The following TMEM201 variants were observed in gnomAD, a reference collection of about 807,000 sequenced individuals.
TMEM201 encodes RP13-15M17.2.
A neutral mutation model predicts 63.4 loss-of-function variants in TMEM201; 26 were observed. The ratio of observed to expected loss-of-function variants is 0.41; its 90% CI spans 0.30 to 0.57. The LOEUF is 0.57. Among genes scored for constraint, TMEM201 ranks in the 20% least tolerant of loss-of-function variants. The pLI is 0.29. For synonymous variants in TMEM201, 417 were observed against 421.6 expected (o/e 0.99, Z 0.14); for missense variants, 794 against 917.7 (o/e 0.87, Z 1.74).
chr1:9,598,398 G>C, intron 3 of TMEM201, 51 bp from the exon 4 acceptor site: 1 of 1,578,418 alleles, frequency 6.3e-7, no homozygotes, highest in Non-Finnish European at 8.7e-7. Context: ...GTAAGATGGA[G>C]GCAGCTCATC....
At chr1:9,594,907 G>T (rs1379237477) in intron 1 of TMEM201, among the ~76,000 whole-genome samples, 1 of 152,254 alleles carries the variant, frequency 6.6e-6, no homozygotes, top group African/African-American at 2.4e-5. Flanking sequence ...AAGGCCAGAG[G>T]GCCGTGCTCT....
At chr1:9,590,346 A>G (rs1643899630) in intron 1 of TMEM201, among the ~76,000 whole-genome samples, 1 of 152,216 alleles carries the variant, frequency 6.6e-6, no homozygotes, top group East Asian at 1.9e-4. Context: ...GAGCTGGTCC[A>G]GCACCCGGTG....
chr1:9,604,303 G>T lies in TMEM201; in HGVS notation c.1160+2031G>T. ...CTGGCCAGGATCCTCCTGCCGAGCT[G>T]ATGTCGCTCCTGCCCTCTGCCGGGG... On this transcript the variant is annotated intron_variant, in intron 6 of 10. Coordinates refer to ENST00000340381, the MANE Select transcript of TMEM201 (RefSeq NM_001130924.3). This position sits in a 1 kb window ranked among gnomAD's most constrained non-coding sequence, Gnocchi z 4.1. 1 of 985,450 alleles carries T rather than the reference G, an allele frequency of 1.0e-6. No homozygotes were observed. Among genetic ancestry groups the T allele is most frequent in the Non-Finnish European group, 1.2e-6 (1 of 829,932 alleles). 61.0% of individuals were successfully genotyped at this position (985,450 alleles called of 1,614,324 possible). A position where few individuals can be genotyped will look rare whatever the true frequency, so the allele number is the denominator to read the frequency against.
Position 9,604,462 on chromosome 1 carries a change from A to G in TMEM201, c.1160+2190A>G, listed in dbSNP as rs1410313077. ...CTACGTGGAGAAAATTCCAGCACCA[A>G]GTGTTGTGGCAACAGCTGAGAGAGT... is the stretch of plus-strand genomic sequence containing the variant. On this transcript the variant is annotated intron_variant, in intron 6 of 10. Transcript: ENST00000340381. The surrounding 1 kb of genome is among the most constrained non-coding windows in gnomAD (Gnocchi z 4.1). 9 of 985,256 alleles carry G rather than the reference A, an allele frequency of 9.1e-6. No individual in the cohort carries two copies. The highest frequency in any genetic ancestry group is 9.6e-6 in the Non-Finnish European group (8 of 829,912). The allele number at this position is 985,256 out of a possible 1,614,324, so 61.0% of individuals were successfully genotyped here.
Position 9,610,371 on chromosome 1 carries a change from TCC to T in TMEM201, c.1466-131_1466-130del, listed in dbSNP as rs1355304403. 2 of 924,032 alleles carry T rather than the reference TCC, an allele frequency of 2.2e-6. No homozygotes were observed. Among genetic ancestry groups the T allele is most frequent in the Non-Finnish European group, 3.2e-6 (2 of 634,012 alleles). 57.2% of individuals were successfully genotyped at this position (924,032 alleles called of 1,614,324 possible). ...CCTCCTTCAGCTTTGCAGCAGGACT[TCC>T]CCCTGTCCCCAGTCTCTGCACCTTT... On this transcript the variant is annotated intron_variant, in intron 8 of 10. Transcript: ENST00000340381. The surrounding 1 kb of genome is among the most constrained non-coding windows in gnomAD (Gnocchi z 4.9).
rs1236967549 is a variant in TMEM201, at chr1:9,608,200, T to C, written c.1393+411T>C. Among the ~76,000 whole-genome samples the C allele has an allele frequency of 6.6e-6, 1 of 152,162 alleles. No homozygotes were observed. Among genetic ancestry groups the C allele is most frequent in the African/African-American group, 2.4e-5 (1 of 41,444 alleles). On this transcript the variant is annotated intron_variant, in intron 7 of 10. Transcript: ENST00000340381. The surrounding 1 kb of genome is among the most constrained non-coding windows in gnomAD (Gnocchi z 4.3). ...CTGCAGTGAGCTATGATCACGCCACTGCATTCCACCATGGGCAACAGAGCA... is the reference window on the plus strand; with the variant it reads ...CTGCAGTGAGCTATGATCACGCCACCGCATTCCACCATGGGCAACAGAGCA...
intron 6 of TMEM201, among the ~76,000 whole-genome samples, chr1:9,606,966 G>A (rs1191670599): frequency 6.6e-6 from 1 of 152,200 alleles, no homozygotes. Context: ...AGTTTCCAGA[G>A]TGCAAGGCCA....
Position 9,609,398 on chromosome 1 carries a change from C to G in TMEM201, c.1394-442C>G, listed in dbSNP as rs144974298. 3.9e-5 allele frequency among the ~76,000 whole-genome samples: 6 copies of G among 152,260 alleles called. 1 individual carries two copies. In the South Asian group the frequency reaches 1.2e-3, roughly 32 times the overall value. ...CAGCGTGGTTGGTGATCCCTGGGAT[C>G]GAGAGAACAGGCAGTTGGGGTCTGC... On this transcript the variant is annotated intron_variant, in intron 7 of 10. Coordinates refer to ENST00000340381, the MANE Select transcript of TMEM201 (RefSeq NM_001130924.3).
Position 9,596,912 on chromosome 1 carries a change from CGTG to C in TMEM201, c.292_294del (p.Val98del), listed in dbSNP as rs927519786. ...CCCAGTACTTGGAGCACCTGAACCA[CGTG>C]GTGAGCAGCGCGCCCAGCCTGCGCG... On this transcript the variant is annotated inframe_deletion, in exon 3 of 11. Coordinates refer to ENST00000340381, the MANE Select transcript of TMEM201 (RefSeq NM_001130924.3). The C allele has an allele frequency of 6.2e-7, 1 of 1,611,468 alleles. No homozygotes were observed. The highest frequency in any genetic ancestry group is 1.3e-5 in the African/African-American group (1 of 74,924).
At chr1:9,612,860 C>G in intron 10 of TMEM201, 126 bp from the exon 11 acceptor site, 3 of 760,142 alleles carry the variant, frequency 3.9e-6, no homozygotes, top group Non-Finnish European at 6.5e-6. Flanking sequence ...TGAGCCTCAC[C>G]AGTCTCAGAG....
rs1300857113 is a variant in TMEM201 at position 9,611,864 on chromosome 1, G to A, written c.1877G>A (p.Cys626Tyr). ...GTGGTGGACACCACCACCAGGGGCT[G>A]CTCGGAGGAGGCCGCCACCTGGAGA... ...TCVVDTTTRG[C>Y]SEEAATWRGR... is the part of the protein sequence containing the mutation. Residue 626 changes from cysteine (C) to tyrosine (Y), a missense_variant, in exon 10 of 11, where the codon TGC becomes TAC. Physicochemically the swap from Cys to Tyr is radical, Grantham distance 194. Coordinates refer to ENST00000340381, the MANE Select transcript of TMEM201 (RefSeq NM_001130924.3). 7 of 1,550,060 alleles carry A rather than the reference G, an allele frequency of 4.5e-6. No homozygotes were observed. In the East Asian group the frequency reaches 1.5e-4, roughly 32 times the overall value.
rs1035534113 is a variant in TMEM201 at position 9,610,942 on chromosome 1, A to G, written c.1765+137A>G. ...CCCACCCTGGAGCTCTAGGCACCCCATTCCGGCTCTGGTGACTTGAACCCT... is the reference window on the plus strand; with the variant it reads ...CCCACCCTGGAGCTCTAGGCACCCCGTTCCGGCTCTGGTGACTTGAACCCT... On this transcript the variant is annotated intron_variant, in intron 9 of 10. Transcript: ENST00000340381. This position sits in a 1 kb window ranked among gnomAD's most constrained non-coding sequence, Gnocchi z 4.9. 8.6e-5 allele frequency: 129 copies of G among 1,499,998 alleles called. No homozygotes were observed. Among genetic ancestry groups the G allele is most frequent in the Non-Finnish European group, 1.1e-4 (124 of 1,122,822 alleles). 92.9% of individuals were successfully genotyped at this position (1,499,998 alleles called of 1,614,324 possible).
chr1:9,602,825 C>T (rs1052185862), intron 6 of TMEM201: 2 of 986,652 alleles, frequency 2.0e-6, no homozygotes, highest in East Asian at 1.1e-4. Context: ...GGTCTGTCCC[C>T]TTGGTCCTGC....
rs147245066 is a variant in TMEM201 at position 9,613,118 on chromosome 1, G to A, written c.*35G>A. On this transcript the variant is annotated 3_prime_UTR_variant, in exon 11 of 11. Transcript: ENST00000340381. ...GGAGCCCCTCGGAGGGGAGCAACCC[G>A]GTGCCTGCTGCTTCACCACTGCCGG... 1,717 of 1,542,224 alleles carry A rather than the reference G, an allele frequency of 1.1e-3. 11 individuals carry two copies. The Middle Eastern group carries it at 0.018, about 16-fold the overall frequency.
intron 1 of TMEM201, among the ~76,000 whole-genome samples, chr1:9,592,930 C>T (rs2100450476): frequency 6.6e-6 from 1 of 152,338 alleles, no homozygotes; most frequent in East Asian, 1.9e-4. Flanking sequence ...TGGGCAGGGG[C>T]AGCCCCTCCA....
In TMEM201 at chr1:9,601,210, G is replaced by A. The variant is rs140164574; in HGVS notation, c.712G>A (p.Gly238Arg). The A allele has an allele frequency of 1.5e-5, 24 of 1,612,298 alleles. No homozygotes were observed. The highest frequency in any genetic ancestry group is 1.6e-4 in the Middle Eastern group (1 of 6,082). Reference protein sequence around the residue: ...LLTTALYGASGHFAPGTTVPL... With the variant: ...LLTTALYGASRHFAPGTTVPL... Reference sequence around the variant, plus strand: ...GACCACCGCGCTGTATGGGGCCAGCGGACACTTCGCCCCAGGCACCACTGT... The same window carrying A: ...GACCACCGCGCTGTATGGGGCCAGCAGACACTTCGCCCCAGGCACCACTGT... The change falls in exon 5 of 11, where the codon GGA (glycine) becomes AGA (arginine). Residue 238 changes from glycine to arginine, a missense_variant. Physicochemically the swap from Gly to Arg is moderately radical, Grantham distance 125. Transcript: ENST00000340381.
chr1:9,602,208 G>T lies in TMEM201; in HGVS notation c.1096G>T (p.Val366Phe). The T allele has an allele frequency of 6.2e-7, 1 of 1,613,110 alleles. No individual in the cohort carries two copies. Among genetic ancestry groups the T allele is most frequent in the Non-Finnish European group, 8.5e-7 (1 of 1,180,012 alleles). Reference sequence around the variant, plus strand: ...CAGCACCACATCTTTGTGCTGCCTGGTTGGCTTCACGGCGGCTGTGGCCAC... The same window carrying T: ...CAGCACCACATCTTTGTGCTGCCTGTTTGGCTTCACGGCGGCTGTGGCCAC... ...KFSTTSLCCL[V>F]GFTAAVATRK... The change falls in exon 6 of 11, where the codon GTT becomes TTT. Residue 366 changes from valine (V) to phenylalanine (F), a missense_variant. Transcript: ENST00000340381.
At position 9,613,080 on chromosome 1, in the gene TMEM201, C is replaced by A; in HGVS notation, c.1998C>A (p.Arg666=). The change falls in exon 11 of 11, where the codon CGC becomes CGA. Residue 666 remains arginine, a synonymous_variant. Coordinates refer to ENST00000340381, the MANE Select transcript of TMEM201 (RefSeq NM_001130924.3). ...FTSVFLYQSL[R] ...CGGTGTTTCTGTACCAGAGCCTGCG[C>A]TGACCCACCGTTGGAGCCCCTCGGA... The A allele has an allele frequency of 6.4e-7, 1 of 1,550,698 alleles. No homozygotes were observed.
intron 6 of TMEM201, chr1:9,606,497 G>C (rs1644246665): frequency 6.6e-6 from 1 of 152,218 alleles, no homozygotes; most frequent in South Asian, 2.1e-4. Context: ...TTGGTGGCGC[G>C]CGGCTTGGCT....
Sources: allele counts gnomAD v4.1 joint callset (sites outside exome capture counted in the v4.1 genomes callset), GRCh38; gene constraint gnomAD v4.1.1; non-coding constraint Gnocchi (gnomAD v3.1); transcripts MANE v1.5; gene names NCBI Gene and HGNC (gene_info 2026-07-23, HGNC 2026-07-21).